The following SEC23IP variants were observed in gnomAD, a reference collection of about 807,000 sequenced individuals.
The protein encoded by SEC23IP is SEC23 interacting protein, also known as SEC23-interacting protein.
SEC23IP carries 70 observed loss-of-function variants against 113.4 expected under a neutral mutation model. The observed-to-expected ratio is 0.62, with a 90% CI of 0.51 to 0.75. The LOEUF (loss-of-function observed/expected upper bound fraction) is 0.75. SEC23IP is among the 30% of genes least tolerant of loss of function. The pLI is 0.00. For missense variants in SEC23IP, 1,160 were observed against 1,204.9 expected (o/e 0.96, Z 0.55); for synonymous variants, 398 against 421.0 (o/e 0.95, Z 0.67).
chr10:119,904,012 G>C, intron 3 of SEC23IP, 72 bp from the exon 4 acceptor site: 1 of 1,510,302 alleles, frequency 6.6e-7, no homozygotes, highest in Non-Finnish European at 9.1e-7. Flanking sequence ...GAGCCACTGC[G>C]CCCAGCAGAT....
At chr10:119,924,046 T>C (rs1855337246) in intron 12 of SEC23IP, among the ~76,000 whole-genome samples, 1 of 152,244 alleles carries the variant, frequency 6.6e-6, no homozygotes, top group Non-Finnish European at 1.5e-5. Context: ...AAATGTTCCT[T>C]ATTTCGGATT....
chr10:119,921,008 A>C (rs748201795), intron 12 of SEC23IP, 24 bp downstream of exon 12: 1 of 1,520,914 alleles, frequency 6.6e-7, no homozygotes, highest in Non-Finnish European at 9.1e-7. Flanking sequence ...CTGACTCAAG[A>C]AAAACTAAAA....
rs1277775669 is a variant in SEC23IP at position 119,917,856 on chromosome 10, T to A, written c.1565T>A (p.Leu522Ter). The A allele has an allele frequency of 6.2e-7, 1 of 1,613,728 alleles. No homozygotes were observed. Among genetic ancestry groups the A allele is most frequent in the Non-Finnish European group, 8.5e-7 (1 of 1,179,756 alleles). ...GVDRNIKKITLPSIGRFRHFT... is the reference protein window; with the variant it reads ...GVDRNIKKIT ...AACAGGAATATTAAGAAAATCACTT[T>A]GCCAAGTATTGGTCGATTTCGTCAC... The change falls in exon 9 of 19, where the codon TTG becomes TAG. Residue 522 changes from leucine to a stop codon, truncating the protein, a stop_gained. Coordinates refer to ENST00000369075, the MANE Select transcript of SEC23IP (RefSeq NM_007190.4). LOFTEE classifies it high-confidence loss of function.
intron 3 of SEC23IP, among the ~76,000 whole-genome samples, 159 bp downstream of exon 3, chr10:119,903,168 A>G (rs1392679127): frequency 1.3e-5 from 2 of 152,210 alleles, no homozygotes; most frequent in African/African-American, 4.8e-5. Context: ...GTCCTGAGTT[A>G]CCTGGGTAAG....
intron 7 of SEC23IP, 52 bp downstream of exon 7, chr10:119,914,871 G>A (rs1470262633): frequency 2.7e-6 from 4 of 1,501,246 alleles, no homozygotes; most frequent in Non-Finnish European, 3.7e-6. Context: ...ACTAATAGAA[G>A]AGCTTTGGAG....
intron 5 of SEC23IP, among the ~76,000 whole-genome samples, chr10:119,910,993 T>C (rs1854841643): frequency 6.6e-6 from 1 of 151,926 alleles, no homozygotes; most frequent in Admixed American, 6.6e-5. Context: ...CTAACCTTTT[T>C]TTTTTTTAGA....
At chr10:119,934,308 C>T (rs1430938010) in intron 18 of SEC23IP, among the ~76,000 whole-genome samples, 1 of 152,208 alleles carries the variant, frequency 6.6e-6, no homozygotes, top group African/African-American at 2.4e-5. Flanking sequence ...ACATCTGTCG[C>T]TCTTAATTAG....
rs778456875 is a variant in SEC23IP, at chr10:119,898,781, A to T, written c.518A>T (p.Gln173Leu). 6.2e-7 allele frequency: 1 copy of T among 1,614,132 alleles called. No individual in the cohort carries two copies. The highest frequency in any genetic ancestry group is 1.1e-5 in the South Asian group (1 of 91,086). Reference sequence around the variant, plus strand: ...CCTTCATATTTTGGGAACCAACCCCAAGGAATTCCCCAACCAGGATACAAT... The same window carrying T: ...CCTTCATATTTTGGGAACCAACCCCTAGGAATTCCCCAACCAGGATACAAT... ...LPPSYFGNQPQGIPQPGYNPY... is the reference protein window; with the variant it reads ...LPPSYFGNQPLGIPQPGYNPY... Residue 173 changes from glutamine to leucine, a missense_variant, in exon 2 of 19, where the codon CAA (glutamine) becomes CTA (leucine). By Grantham distance (113) the Gln-to-Leu change is moderately radical (BLOSUM62 -2). Transcript: ENST00000369075.
intron 8 of SEC23IP, among the ~76,000 whole-genome samples, chr10:119,916,967 C>T (rs951322484): frequency 6.6e-6 from 1 of 152,004 alleles, no homozygotes; most frequent in African/African-American, 2.4e-5. Flanking sequence ...CTCCTGGGCT[C>T]AAGTGATCCT....
intron 11 of SEC23IP, 90 bp downstream of exon 11, chr10:119,919,686 A>G: frequency 2.0e-6 from 2 of 1,000,784 alleles, no homozygotes; most frequent in Non-Finnish European, 2.8e-6. Flanking sequence ...ATCAAAATAC[A>G]CTCCAGAGTA....
chr10:119,925,482 T>C (rs371755120), intron 12 of SEC23IP, among the ~76,000 whole-genome samples: 2 of 152,232 alleles, frequency 1.3e-5, no homozygotes, highest in African/African-American at 4.8e-5. Context: ...ATAGACATCA[T>C]GACATTTGTT....
chr10:119,930,513 T>A, intron 15 of SEC23IP, 82 bp downstream of exon 15: 1 of 745,692 alleles, frequency 1.3e-6, no homozygotes, highest in Non-Finnish European at 2.3e-6. Context: ...CACTAAATCG[T>A]CTCTGAGAGA....
chr10:119,910,606 AG>A (rs896840371), intron 5 of SEC23IP, among the ~76,000 whole-genome samples: 3 of 152,240 alleles, frequency 2.0e-5, no homozygotes, highest in African/African-American at 7.2e-5. Flanking sequence ...ACAGTTTAAA[AG>A]GATATTAAAT....
intron 13 of SEC23IP, among the ~76,000 whole-genome samples, chr10:119,927,415 C>T (rs1337344970): frequency 6.6e-6 from 1 of 152,228 alleles, no homozygotes; most frequent in African/African-American, 2.4e-5. Flanking sequence ...ACTATTTTCT[C>T]TCTGAAACTT....
At chr10:119,925,951 A>C (rs537404354) in intron 12 of SEC23IP, 85 bp from the exon 13 acceptor site, 1 of 1,121,750 alleles carries the variant, frequency 8.9e-7, no homozygotes, top group East Asian at 2.6e-5. Flanking sequence ...ATCATTCCTT[A>C]ATACTGAGAT....
At chr10:119,907,387 C>T (rs745512066) in intron 4 of SEC23IP, among the ~76,000 whole-genome samples, 3 of 151,768 alleles carry the variant, frequency 2.0e-5, no homozygotes, top group South Asian at 2.1e-4. Flanking sequence ...TCTATTTTCA[C>T]GTGATTGTCA....
chr10:119,909,065 A>G lies in SEC23IP; in HGVS notation c.1126A>G (p.Thr376Ala), dbSNP rs773507900. ...LEAEYKKAVTTNQWHRRLEFP... is the reference protein window; with the variant it reads ...LEAEYKKAVTANQWHRRLEFP... Reference sequence around the variant, plus strand: ...GGCTGAATATAAAAAAGCTGTAACCACTAATCAGTGGCACCGAAGATTAGA... The same window carrying G: ...GGCTGAATATAAAAAAGCTGTAACCGCTAATCAGTGGCACCGAAGATTAGA... The change falls in exon 5 of 19, where the codon ACT becomes GCT. Residue 376 changes from threonine (T) to alanine (A), a missense_variant. Transcript: ENST00000369075. 1.8e-5 allele frequency: 29 copies of G among 1,612,572 alleles called. No homozygotes were observed. The highest frequency in any genetic ancestry group is 2.5e-5 in the Non-Finnish European group (29 of 1,179,152).
At chr10:119,925,604 C>T (rs764999952) in intron 12 of SEC23IP, among the ~76,000 whole-genome samples, 6 of 152,114 alleles carry the variant, frequency 3.9e-5, no homozygotes, top group East Asian at 1.9e-4. Context: ...TGCAGTGGTA[C>T]GATCACAGAT....
rs367696566 is a variant in SEC23IP at position 119,913,483 on chromosome 10, G to C, written c.1313-1247G>C. Among the ~76,000 whole-genome samples the C allele has an allele frequency of 6.3e-4, 95 of 151,472 alleles. No individual in the cohort carries two copies. The South Asian group carries it at 0.019, about 31-fold the overall frequency. ...TGTATGTAAACAAATGAGCATATCC[G>C]TTTTCCATAAAGCTTTTTTTTTTTT... On this transcript the variant is annotated intron_variant, in intron 6 of 18. Coordinates refer to ENST00000369075, the MANE Select transcript of SEC23IP (RefSeq NM_007190.4).
Sources: gnomAD v4.1 joint callset for allele counts (sites outside exome capture counted in the v4.1 genomes callset) on GRCh38, gnomAD v4.1.1 for gene constraint, MANE v1.5 for transcripts, NCBI Gene and HGNC (gene_info 2026-07-23, HGNC 2026-07-21) for gene names.